Variants in SP1 observed in about 807,000 individuals in gnomAD.
SP1 encodes Sp1 transcription factor, also known as transcription factor Sp1.
In SP1, 6 loss-of-function variants were observed where a neutral mutation model predicts 66.3. The observed-to-expected ratio is 0.09, with a 90% confidence interval of 0.05 to 0.18. SP1 has a LOEUF of 0.18. Ranked by LOEUF, SP1 falls within the 10% of genes least tolerant of loss-of-function variation. The pLI is 1.00. For missense variants in SP1, 848 were observed against 964.5 expected, an observed-to-expected ratio of 0.88 and a Z score of 1.60; for synonymous variants, 417 against 360.8, an observed-to-expected ratio of 1.16 and a Z score of -1.77.
rs1297652309 is a variant in SP1, at chr12:53,411,620, A to G, written c.*380A>G. ...CCTTGATAAATATATATGATCATTG[A>G]AATACTTTTTAACAAAAAACAGATT... is the stretch of plus-strand genomic sequence containing the variant. On this transcript the variant is annotated 3_prime_UTR_variant, in exon 6 of 6. Transcript: ENST00000327443. 2 of 150,374 alleles carry G rather than the reference A, an allele frequency of 1.3e-5. No individual in the cohort carries two copies. The highest frequency in any genetic ancestry group is 4.9e-5 in the African/African-American group (2 of 40,528). The allele number at this position is 150,374 out of a possible 1,614,324, so 9.3% of individuals were successfully genotyped here.
intron 3 of SP1, among the ~76,000 whole-genome samples, chr12:53,396,512 T>G (rs2608302): frequency 0.32 from 47,285 of 148,906 alleles, 10,883 homozygotes; most frequent in African/African-American, 0.66. Context: ...AGCTGGCGGT[T>G]AGCCGAGATC....
Position 53,383,332 on chromosome 12 carries a change from T to G in SP1, c.1385T>G (p.Val462Gly). ...RTPTVGPNGQ[V>G]SWQTLQLQNL... ...CCAACAGTGGGGCCCAATGGACAGGTCAGTTGGCAGACTCTACAGCTGCAG... is the reference window on the plus strand; with the variant it reads ...CCAACAGTGGGGCCCAATGGACAGGGCAGTTGGCAGACTCTACAGCTGCAG... The change falls in exon 3 of 6, where the codon GTC becomes GGC. Residue 462 changes from valine (V) to glycine (G), a missense_variant. By Grantham distance (109) the Val-to-Gly change is moderately radical. Transcript: ENST00000327443. The G allele has an allele frequency of 6.2e-7, 1 of 1,614,094 alleles. No individual in the cohort carries two copies. Among genetic ancestry groups the G allele is most frequent in the Non-Finnish European group, 8.5e-7 (1 of 1,180,022 alleles).
At chr12:53,401,880 G>A (rs1413948927) in intron 3 of SP1, among the ~76,000 whole-genome samples, 2 of 152,194 alleles carry the variant, frequency 1.3e-5, no homozygotes, top group Non-Finnish European at 2.9e-5. Context: ...TGTTGGCCAG[G>A]CTGGCCTGGA....
chr12:53,398,364 C>A (rs1269044056), intron 3 of SP1, among the ~76,000 whole-genome samples: 2 of 152,118 alleles, frequency 1.3e-5, no homozygotes, highest in Non-Finnish European at 2.9e-5. Context: ...TTCACTGCAA[C>A]CTCTGCCTCC....
intron 4 of SP1, among the ~76,000 whole-genome samples, chr12:53,408,455 C>A (rs1206327909): frequency 6.6e-6 from 1 of 150,712 alleles, no homozygotes; most frequent in Admixed American, 6.6e-5. Flanking sequence ...TGGTCTTGAA[C>A]AATTTTTGTA....
Position 53,411,311 on chromosome 12 carries a change from C to T in SP1, c.*71C>T. 2 of 1,241,946 alleles carry T rather than the reference C, an allele frequency of 1.6e-6. No homozygotes were observed. The highest frequency in any genetic ancestry group is 1.1e-6 in the Non-Finnish European group (1 of 878,918). The allele number at this position is 1,241,946 out of a possible 1,614,324, so 76.9% of individuals were successfully genotyped here. ...CCCGGGATGCAAGGTAGCATGGGTC[C>T]AAGAGACATGGAAGAGAGAGCCATG... On this transcript the variant is annotated 3_prime_UTR_variant, in exon 6 of 6. Transcript: ENST00000327443.
At chr12:53,385,337 T>TG (rs2136892153) in intron 3 of SP1, among the ~76,000 whole-genome samples, 2 of 151,686 alleles carry the variant, frequency 1.3e-5, no homozygotes, top group South Asian at 4.2e-4. Context: ...GGCTCACGCC[T>TG]GTAATTCCAG....
In SP1 at chr12:53,414,510, T is replaced by G. The variant is rs1230924757; in HGVS notation, c.*3270T>G. 2 of 152,602 alleles carry G rather than the reference T, an allele frequency of 1.3e-5. No homozygotes were observed. Among genetic ancestry groups the G allele is most frequent in the African/African-American group, 2.4e-5 (1 of 41,450 alleles). 9.5% of individuals were successfully genotyped at this position (152,602 alleles called of 1,614,324 possible). A position where few individuals can be genotyped will look rare whatever the true frequency, so the allele number is the denominator to read the frequency against. On this transcript the variant is annotated 3_prime_UTR_variant, in exon 6 of 6. Transcript: ENST00000327443. ...ATATACTGAAGTGTGGGATAAAGAT[T>G]ATGATTAGGGGAGGGTTGGAGACAA...
Position 53,409,564 on chromosome 12 carries a change from G to T in SP1, c.2044+3G>T. 6.2e-7 allele frequency: 1 copy of T among 1,612,734 alleles called. No individual in the cohort carries two copies. The highest frequency in any genetic ancestry group is 1.1e-5 in the South Asian group (1 of 91,024). On this transcript the variant is annotated splice_donor_region_variant and intron_variant, in intron 5 of 5. Coordinates refer to ENST00000327443, the MANE Select transcript of SP1 (RefSeq NM_138473.3). ...GAGGCACAAACGTACACACACAGGT[G>T]AGCAAGAGCCTATGGGAGAGAAAAA...
chr12:53,395,050 G>A (rs1938453614), intron 3 of SP1, among the ~76,000 whole-genome samples: 2 of 152,034 alleles, frequency 1.3e-5, no homozygotes, highest in South Asian at 2.1e-4. Flanking sequence ...AAGAATATCT[G>A]TATCTTCTGG....
chr12:53,405,518 AAGTT>A (rs905657492), intron 3 of SP1, among the ~76,000 whole-genome samples: 6 of 152,152 alleles, frequency 3.9e-5, no homozygotes, highest in African/African-American at 1.4e-4. Flanking sequence ...AAATACAAAA[AAGTT>A]AGCCAGTCAT....
Position 53,411,070 on chromosome 12 carries a change from G to T in SP1, c.2188G>T (p.Ala730Ser). 6.2e-7 allele frequency: 1 copy of T among 1,614,216 alleles called. No homozygotes were observed. Among genetic ancestry groups the T allele is most frequent in the Non-Finnish European group, 8.5e-7 (1 of 1,180,042 alleles). The change falls in exon 6 of 6, where the codon GCA (alanine) becomes TCA (serine). Residue 730 changes from alanine to serine, a missense_variant. Coordinates refer to ENST00000327443, the MANE Select transcript of SP1 (RefSeq NM_138473.3). ...GGGCACTTTGCCCCTGGACAGTGGG[G>T]CAGGTTCAGAAGGCAGTGGCACTGC... is the stretch of plus-strand genomic sequence containing the variant. ...SVGTLPLDSG[A>S]GSEGSGTATP... is the part of the protein sequence containing the mutation.
intron 3 of SP1, among the ~76,000 whole-genome samples, chr12:53,394,925 C>CT (rs1045564179): frequency 3.3e-5 from 5 of 151,922 alleles, no homozygotes; most frequent in Admixed American, 6.6e-5. Context: ...GAGATAAGGT[C>CT]TTTCTATGTT....
chr12:53,390,176 T>C (rs895949382), intron 3 of SP1, among the ~76,000 whole-genome samples: 21 of 152,176 alleles, frequency 1.4e-4, no homozygotes, highest in African/African-American at 4.8e-4. Context: ...ATGAAAGAAT[T>C]TTCTATTTTA....
At chr12:53,387,810 C>T (rs1256261983) in intron 3 of SP1, among the ~76,000 whole-genome samples, 3 of 151,900 alleles carry the variant, frequency 2.0e-5, no homozygotes. Flanking sequence ...ATGGTGAAAC[C>T]GCATCTCTAC....
chr12:53,381,792 C>G lies in SP1; in HGVS notation c.141C>G (p.Ser47Arg). 6.2e-7 allele frequency: 1 copy of G among 1,613,862 alleles called. No homozygotes were observed. The highest frequency in any genetic ancestry group is 8.5e-7 in the Non-Finnish European group (1 of 1,179,894). Residue 47 changes from serine (S) to arginine (R), a missense_variant, in exon 2 of 6, where the codon AGC (serine) becomes AGG (arginine). By Grantham distance (110) the Ser-to-Arg change is moderately radical. Around this residue, in one of 7 missense-constraint regions of SP1, gnomAD observed 84 missense variants for 73.9 expected, o/e 1.14. Transcript: ENST00000327443. ...QARSSSTGSS[S>R]STGGGGQESQ... ...GAAGTAGCAGCACAGGCAGTAGCAGCAGCACTGGAGGAGGAGGGCAGGTAA... is the reference window on the plus strand; with the variant it reads ...GAAGTAGCAGCACAGGCAGTAGCAGGAGCACTGGAGGAGGAGGGCAGGTAA...
At position 53,412,718 on chromosome 12, in the gene SP1, A is replaced by AT. The variant is rs1205968897; in HGVS notation, c.*1480dup. Reference sequence around the variant, plus strand: ...CTTACCACAGTGTTTTATAGGAGAGATTGGGAGAAATCATCCTGTTTTCTC... The same window carrying AT: ...CTTACCACAGTGTTTTATAGGAGAGATTTGGGAGAAATCATCCTGTTTTCTC... On this transcript the variant is annotated 3_prime_UTR_variant, in exon 6 of 6. Transcript: ENST00000327443. 1 of 152,736 alleles carries AT rather than the reference A, an allele frequency of 6.5e-6. No individual in the cohort carries two copies. Among genetic ancestry groups the AT allele is most frequent in the East Asian group, 1.9e-4 (1 of 5,190 alleles). The allele number at this position is 152,736 out of a possible 1,614,324, so 9.5% of individuals were successfully genotyped here.
chr12:53,381,822 TAATC>T lies in SP1; in HGVS notation c.162+11_162+14del. 3 of 1,609,848 alleles carry T rather than the reference TAATC, an allele frequency of 1.9e-6. No homozygotes were observed. The highest frequency in any genetic ancestry group is 2.5e-6 in the Non-Finnish European group (3 of 1,178,604). On this transcript the variant is annotated intron_variant, in intron 2 of 5. Coordinates refer to ENST00000327443, the MANE Select transcript of SP1 (RefSeq NM_138473.3). Reference sequence around the variant, plus strand: ...CTGGAGGAGGAGGGCAGGTAAGTGATAATCATAGAGTGGGGAAGGTGTTGAGAAG... The same window carrying T: ...CTGGAGGAGGAGGGCAGGTAAGTGATATAGAGTGGGGAAGGTGTTGAGAAG...
chr12:53,380,178 C>G lies in SP1; in HGVS notation c.-114C>G. On this transcript the variant is annotated 5_prime_UTR_variant, in exon 1 of 6. Transcript: ENST00000327443. Reference sequence around the variant, plus strand: ...TGGCGCGCTGCTCCCTCCTCCTTACCCCCCCCTCCCTGTCCGGTCCGGGTT... The same window carrying G: ...TGGCGCGCTGCTCCCTCCTCCTTACGCCCCCCTCCCTGTCCGGTCCGGGTT... 1.3e-6 allele frequency: 1 copy of G among 742,298 alleles called. No individual in the cohort carries two copies. Among genetic ancestry groups the G allele is most frequent in the Non-Finnish European group, 2.4e-6 (1 of 412,580 alleles). The allele number at this position is 742,298 out of a possible 1,614,324, so 46.0% of individuals were successfully genotyped here.
Sources: gnomAD v4.1 joint callset for allele counts (sites outside exome capture counted in the v4.1 genomes callset) on GRCh38, gnomAD v4.1.1 for gene constraint, gnomAD v4.1.1 regional missense constraint, MANE v1.5 for transcripts, NCBI Gene and HGNC (gene_info 2026-07-23, HGNC 2026-07-21) for gene names.